Variants in FOXP1 observed in about 807,000 individuals in gnomAD.
FOXP1 encodes the protein forkhead box P1, also known as forkhead box protein P1.
In FOXP1, 15 loss-of-function variants were observed where a neutral mutation model predicts 98.2. That is an observed-to-expected ratio of 0.15 (90% CI 0.10 to 0.24). FOXP1 has a LOEUF of 0.24. Among genes scored for constraint, FOXP1 ranks in the 10% least tolerant of loss-of-function variants. The pLI is 1.00. For synonymous variants in FOXP1, 371 were observed against 314.5 expected (o/e 1.18, Z -1.90); for missense variants, 633 against 848.5 (o/e 0.75, Z 3.15).
chr3:70,958,898 A>C lies in FOXP1; in HGVS notation c.*349T>G, dbSNP rs559375322. The C allele has an allele frequency of 2.4e-6, 1 of 417,708 alleles. No homozygotes were observed. The highest frequency in any genetic ancestry group is 4.5e-6 in the Non-Finnish European group (1 of 223,324). 25.9% of individuals were successfully genotyped at this position (417,708 alleles called of 1,614,324 possible). ...CTCTGTCGGGCGTCCTCAGTGTCCA[A>C]CGTTGGCAGGACTGCAGTTCAAAGT... On this transcript the variant is annotated 3_prime_UTR_variant, in exon 21 of 21. Coordinates refer to ENST00000649528, the MANE Select transcript of FOXP1 (RefSeq NM_001349338.3).
chr3:71,374,594 C>A (rs1297653589), intron 3 of FOXP1, among the ~76,000 whole-genome samples: 8 of 131,154 alleles, frequency 6.1e-5, no homozygotes, highest in East Asian at 2.0e-4. Context: ...GACTCTGTCT[C>A]AAAAAAAAAA....
At chr3:71,086,862 G>A (rs188354170) in intron 7 of FOXP1, among the ~76,000 whole-genome samples, 14 of 152,232 alleles carry the variant, frequency 9.2e-5, no homozygotes, top group Admixed American at 3.9e-4. Context: ...CTACCTCTTC[G>A]TCCTGCACTG....
intron 6 of FOXP1, among the ~76,000 whole-genome samples, chr3:71,135,820 A>G (rs547128281): frequency 6.6e-6 from 1 of 152,358 alleles, no homozygotes; most frequent in East Asian, 1.9e-4. Context: ...TCCAGGCTCC[A>G]AAACGGCAGC....
chr3:71,473,218 G>A (rs557439461), intron 3 of FOXP1, among the ~76,000 whole-genome samples: 2 of 152,264 alleles, frequency 1.3e-5, no homozygotes, highest in South Asian at 4.2e-4. Context: ...CAACTGGATG[G>A]AATAATTTAC....
At chr3:71,495,911 G>A (rs1490785090) in intron 2 of FOXP1, among the ~76,000 whole-genome samples, 1 of 152,198 alleles carries the variant, frequency 6.6e-6, no homozygotes, top group East Asian at 1.9e-4. Flanking sequence ...AAGGCCAGGT[G>A]TAAGGTAACA....
chr3:71,189,092 C>T (rs1376935417), intron 6 of FOXP1, among the ~76,000 whole-genome samples: 3 of 152,148 alleles, frequency 2.0e-5, no homozygotes, highest in African/African-American at 7.2e-5. Flanking sequence ...GCCTTTATGT[C>T]CCCAGGCAGT....
intron 6 of FOXP1, among the ~76,000 whole-genome samples, chr3:71,158,111 G>GGAAGGAAGGGAGGGAGGGAGGGAA (rs1560038283): frequency 6.9e-5 from 4 of 57,910 alleles, no homozygotes; most frequent in South Asian, 9.1e-4. Flanking sequence ...AAGGAAGGGA[G>GGAAGGAAGGGAGGGAGGGAGGGAA]GGAGGGAGGG....
At chr3:70,976,483 T>C (rs955999336) in intron 17 of FOXP1, among the ~76,000 whole-genome samples, 1 of 152,214 alleles carries the variant, frequency 6.6e-6, no homozygotes, top group Non-Finnish European at 1.5e-5. Context: ...TCTCTACTAA[T>C]TGGGTTAATG....
chr3:71,388,926 T>C (rs2080810295), intron 3 of FOXP1, among the ~76,000 whole-genome samples: 1 of 152,064 alleles, frequency 6.6e-6, no homozygotes, highest in Admixed American at 6.6e-5. Flanking sequence ...TAGAATGGCC[T>C]TTTCACTTCC....
At chr3:71,428,844 G>A (rs2084406768) in intron 3 of FOXP1, among the ~76,000 whole-genome samples, 1 of 152,238 alleles carries the variant, frequency 6.6e-6, no homozygotes, top group Admixed American at 6.5e-5. Context: ...ACCTTGGGCT[G>A]CAACTGCTCA....
At chr3:71,427,766 G>C (rs1026659788) in intron 3 of FOXP1, among the ~76,000 whole-genome samples, 1 of 152,190 alleles carries the variant, frequency 6.6e-6, no homozygotes, top group Non-Finnish European at 1.5e-5. Flanking sequence ...TAAAGAGGAT[G>C]CCTGGCTTTC....
chr3:71,261,937 TATTA>T (rs1221982067), intron 5 of FOXP1, among the ~76,000 whole-genome samples: 3 of 152,180 alleles, frequency 2.0e-5, no homozygotes, highest in Non-Finnish European at 4.4e-5. Context: ...AAGTATCATT[TATTA>T]ATTCATCATC....
intron 5 of FOXP1, among the ~76,000 whole-genome samples, chr3:71,200,798 G>T (rs1027732023): frequency 3.5e-4 from 54 of 152,190 alleles, no homozygotes; most frequent in Admixed American, 6.5e-5. Flanking sequence ...GGTATCTTTA[G>T]AGGACATTGT....
intron 7 of FOXP1, among the ~76,000 whole-genome samples, chr3:71,103,555 T>C (rs1322131897): frequency 6.6e-6 from 1 of 152,134 alleles, no homozygotes; most frequent in Non-Finnish European, 1.5e-5. Flanking sequence ...GTCCATGGTA[T>C]TGCACCAAAT....
At chr3:71,153,430 C>G (rs570417051) in intron 6 of FOXP1, among the ~76,000 whole-genome samples, 47 of 152,004 alleles carry the variant, frequency 3.1e-4, no homozygotes, top group Admixed American at 5.2e-4. Context: ...TAGCCCAGCA[C>G]CAAGCACATT....
intron 2 of FOXP1, among the ~76,000 whole-genome samples, chr3:71,540,502 A>G (rs533061757): frequency 2.0e-5 from 3 of 152,342 alleles, no homozygotes; most frequent in African/African-American, 4.8e-5. Flanking sequence ...GGTAACAGAT[A>G]ATCAATTAAA....
At chr3:71,432,816 A>G (rs2084844403) in intron 3 of FOXP1, among the ~76,000 whole-genome samples, 1 of 150,686 alleles carries the variant, frequency 6.6e-6, no homozygotes, top group Admixed American at 6.7e-5. Flanking sequence ...GCAGTTCGAC[A>G]CTTAACACTG....
chr3:71,426,645 C>A (rs1160919294), intron 3 of FOXP1, among the ~76,000 whole-genome samples: 1 of 152,186 alleles, frequency 6.6e-6, no homozygotes, highest in Non-Finnish European at 1.5e-5. Flanking sequence ...GTCTCCTCTG[C>A]CTAAAAGGCT....
intron 5 of FOXP1, among the ~76,000 whole-genome samples, chr3:71,212,126 T>G (rs1386351993): frequency 6.6e-6 from 1 of 152,134 alleles, no homozygotes; most frequent in Non-Finnish European, 1.5e-5. Flanking sequence ...AGTACCAAAT[T>G]GAGACTTTCT....
Sources: gnomAD v4.1 joint callset for allele counts (sites outside exome capture counted in the v4.1 genomes callset) on GRCh38, gnomAD v4.1.1 for gene constraint, MANE v1.5 for transcripts, NCBI Gene and HGNC (gene_info 2026-07-23, HGNC 2026-07-21) for gene names.